The following RBFOX1 variants were observed in gnomAD, a reference collection of about 807,000 sequenced individuals.
RBFOX1 encodes RNA binding protein fox-1 homolog 1.
A neutral mutation model predicts 57.7 loss-of-function variants in RBFOX1; 8 were observed. The observed-to-expected ratio is 0.14, with a 90% CI of 0.08 to 0.25. The LOEUF (loss-of-function observed/expected upper bound fraction) is 0.25. RBFOX1 is among the 10% of genes least tolerant of loss of function. The probability of loss-of-function intolerance (pLI) is 1.00; values close to 1 mark genes in which losing one functional copy is unlikely to be tolerated. For missense variants in RBFOX1, 611 were observed against 548.5 expected (o/e 1.11, Z -1.14); for synonymous variants, 326 against 222.4 (o/e 1.47, Z -4.15).
At chr16:5,618,077 T>A (rs1422905662) in intron 3 of RBFOX1, among the ~76,000 whole-genome samples, 1 of 152,224 alleles carries the variant, frequency 6.6e-6, no homozygotes, top group African/African-American at 2.4e-5. Context: ...CATCTGTGTA[T>A]CTCTGGATTA....
intron 2 of RBFOX1, among the ~76,000 whole-genome samples, chr16:6,410,451 A>G (rs1315548113): frequency 6.6e-6 from 1 of 151,542 alleles, no homozygotes; most frequent in East Asian, 2.0e-4. Flanking sequence ...AGCTGGGACT[A>G]CAGGCGCCTG....
chr16:7,120,648 G>T (rs1404302751), intron 4 of RBFOX1, among the ~76,000 whole-genome samples: 1 of 147,096 alleles, frequency 6.8e-6, no homozygotes, highest in Non-Finnish European at 1.5e-5. Context: ...AAAATTTTCA[G>T]ACACAAATGG....
At chr16:5,954,401 C>T (rs941298067) in intron 4 of RBFOX1, among the ~76,000 whole-genome samples, 1 of 151,976 alleles carries the variant, frequency 6.6e-6, no homozygotes, top group African/African-American at 2.4e-5. Flanking sequence ...CACCGCTGGA[C>T]ACTGCTGAGA....
intron 9 of RBFOX1, among the ~76,000 whole-genome samples, chr16:7,600,268 G>T (rs910028062): frequency 6.6e-6 from 1 of 152,126 alleles, no homozygotes; most frequent in Non-Finnish European, 1.5e-5. Flanking sequence ...AGACACAGTA[G>T]AATTTATTTA....
chr16:7,248,180 G>A (rs1015943011), intron 4 of RBFOX1, among the ~76,000 whole-genome samples: 3 of 152,148 alleles, frequency 2.0e-5, no homozygotes, highest in African/African-American at 7.2e-5. Context: ...TATCAGTTAG[G>A]GATATTACCA....
chr16:6,684,769 T>A (rs995767535), intron 3 of RBFOX1, among the ~76,000 whole-genome samples: 3 of 152,230 alleles, frequency 2.0e-5, no homozygotes, highest in Non-Finnish European at 4.4e-5. Context: ...AGCAAAGTAA[T>A]TGAAACAGGA....
intron 2 of RBFOX1, among the ~76,000 whole-genome samples, chr16:5,583,519 C>T (rs577704167): frequency 5.2e-4 from 79 of 152,236 alleles, no homozygotes; most frequent in African/African-American, 1.8e-3. Context: ...TTGTTCTGAC[C>T]GCGAGGCAAT....
chr16:7,144,954 C>T (rs74468666), intron 4 of RBFOX1, among the ~76,000 whole-genome samples: 3 of 152,146 alleles, frequency 2.0e-5, no homozygotes, highest in Non-Finnish European at 2.9e-5. Context: ...CCCTCTCCCC[C>T]TCCCCCAGTG....
chr16:6,613,911 C>T (rs1394889270), intron 2 of RBFOX1, among the ~76,000 whole-genome samples: 2 of 152,084 alleles, frequency 1.3e-5, no homozygotes, highest in East Asian at 3.9e-4. Flanking sequence ...GCACTCCAGC[C>T]TGGGCGACAG....
chr16:6,616,458 C>T (rs555403165), intron 2 of RBFOX1, among the ~76,000 whole-genome samples: 6 of 151,914 alleles, frequency 3.9e-5, no homozygotes, highest in East Asian at 1.9e-4. Flanking sequence ...GGGTGGATCA[C>T]GAGGTCAGGA....
At chr16:6,092,144 T>C (rs184753912) in intron 1 of RBFOX1, among the ~76,000 whole-genome samples, 16 of 152,230 alleles carry the variant, frequency 1.1e-4, no homozygotes, top group Admixed American at 1.0e-3. Context: ...TACATGGGCT[T>C]GGTGTGAGGG....
rs570582050 is a variant in RBFOX1 at position 7,318,226 on chromosome 16, T to C, written c.28-199921T>C. Among the ~76,000 whole-genome samples, 6 of 151,892 alleles carry C rather than the reference T, an allele frequency of 4.0e-5. No homozygotes were observed. The East Asian group carries it at 1.2e-3, about 29-fold the overall frequency. On this transcript the variant is annotated intron_variant, in intron 4 of 15. Transcript: ENST00000550418. ...ATAGTGGTGTTGGTGGTGATGGCCATGGTAATGGAGTTGGGATAGTGGTGA... is the reference window on the plus strand; with the variant it reads ...ATAGTGGTGTTGGTGGTGATGGCCACGGTAATGGAGTTGGGATAGTGGTGA...
At chr16:6,871,191 C>G (rs992420050) in intron 3 of RBFOX1, among the ~76,000 whole-genome samples, 2 of 152,028 alleles carry the variant, frequency 1.3e-5, no homozygotes, top group Admixed American at 1.3e-4. Context: ...GAAAATCACC[C>G]CTGCTTTTTT....
intron 1 of RBFOX1, among the ~76,000 whole-genome samples, chr16:6,265,344 C>G (rs1371150944): frequency 1.2e-4 from 18 of 152,188 alleles, no homozygotes. Context: ...TCACTACAAC[C>G]TCTGCCTCCC....
chr16:5,571,603 G>GCAGTCA lies in RBFOX1; in HGVS notation c.259-27297_259-27292dup, dbSNP rs2046286960. On this transcript the variant is annotated intron_variant, in intron 2 of 2. Coordinates refer to the RBFOX1 transcript ENST00000585867. ...CCCACCGCCAGAAGATATGCTGAGT[G>GCAGTCA]CAGTCACTTCCTGGCGCCATGCTTC... is the stretch of plus-strand genomic sequence containing the variant. Among the ~76,000 whole-genome samples, 3 of 152,146 alleles carry GCAGTCA rather than the reference G, an allele frequency of 2.0e-5. No homozygotes were observed. In the East Asian group the frequency reaches 5.8e-4, roughly 29 times the overall value.
intron 3 of RBFOX1, among the ~76,000 whole-genome samples, chr16:6,868,330 G>C (rs1322694125): frequency 6.6e-6 from 1 of 151,946 alleles, no homozygotes; most frequent in African/African-American, 2.4e-5. Flanking sequence ...AAAACAGAGT[G>C]GATTCATCTA....
At chr16:5,781,104 C>T (rs1032314560) in intron 3 of RBFOX1, among the ~76,000 whole-genome samples, 5 of 152,244 alleles carry the variant, frequency 3.3e-5, no homozygotes, top group Admixed American at 6.5e-5. Context: ...AAAACTAGGT[C>T]CTAAGGGAAC....
At position 6,562,625 on chromosome 16, in the gene RBFOX1, C is replaced by G. The variant is rs117021361; in HGVS notation, c.-63-91978C>G. 3.2e-4 allele frequency among the ~76,000 whole-genome samples: 49 copies of G among 152,268 alleles called. No homozygotes were observed. In the East Asian group the frequency reaches 8.1e-3, roughly 25 times the overall value. On this transcript the variant is annotated intron_variant, in intron 2 of 15. Transcript: ENST00000550418. ...CAAGTTTCTAAACATCTTGCATGTA[C>G]TAATAAATACTTTTAGTTGACAAAT...
At chr16:6,563,439 G>C (rs1478608218) in intron 2 of RBFOX1, among the ~76,000 whole-genome samples, 1 of 152,108 alleles carries the variant, frequency 6.6e-6, no homozygotes, top group Admixed American at 6.5e-5. Context: ...ATGTGTATAA[G>C]TTATTGAGAT....
Sources: gnomAD v4.1 joint callset for allele counts (sites outside exome capture counted in the v4.1 genomes callset) on GRCh38, gnomAD v4.1.1 for gene constraint, MANE v1.5 for transcripts, NCBI Gene and HGNC (gene_info 2026-07-23, HGNC 2026-07-21) for gene names.